NAV2: variants seen among roughly 807,000 people sequenced by gnomAD.
NAV2 encodes the protein helicase, APC down-regulated 1.
A neutral mutation model predicts 223.2 loss-of-function variants in NAV2; 54 were observed. That is an observed-to-expected ratio of 0.24 (90% CI 0.19 to 0.30). NAV2 has a LOEUF of 0.30. Among genes scored for constraint, NAV2 ranks in the 10% least tolerant of loss-of-function variants. NAV2 has a pLI of 1.00. For missense variants in NAV2, 2,806 were observed against 3,147.5 expected (o/e 0.89, Z 2.60); for synonymous variants, 1,279 against 1,239.3 (o/e 1.03, Z -0.67).
At chr11:19,656,556 G>C (rs1179795439) in intron 1 of NAV2, among the ~76,000 whole-genome samples, 2 of 152,226 alleles carry the variant, frequency 1.3e-5, no homozygotes, top group Non-Finnish European at 2.9e-5. Context: ...TTCACTCCAT[G>C]TTTGAAGGGA....
chr11:20,032,096 A>G (rs1194856579), intron 11 of NAV2, among the ~76,000 whole-genome samples: 2 of 152,256 alleles, frequency 1.3e-5, no homozygotes, highest in African/African-American at 4.8e-5. Context: ...AGTATCCCAG[A>G]GACCCAGAAG....
At chr11:19,349,482 G>A (rs566760296), upstream of NAV2, among the ~76,000 whole-genome samples, 1 of 152,318 alleles carries the variant, frequency 6.6e-6, no homozygotes, top group East Asian at 1.9e-4. Context: ...CAGCTGCAAG[G>A]GAGGGTCTGT....
At chr11:19,628,129 C>G (rs2047225194) in intron 1 of NAV2, among the ~76,000 whole-genome samples, 1 of 152,170 alleles carries the variant, frequency 6.6e-6, no homozygotes, top group South Asian at 2.1e-4. Context: ...CCCTCCCACT[C>G]TGGCCCCAGG....
chr11:19,874,453 A>G (rs532304261), intron 4 of NAV2, among the ~76,000 whole-genome samples: 2 of 152,312 alleles, frequency 1.3e-5, no homozygotes, highest in Non-Finnish European at 2.9e-5. Context: ...CTAGAACTCC[A>G]GAAAGTGAGG....
At chr11:19,556,290 G>A (rs762861346) in intron 1 of NAV2, among the ~76,000 whole-genome samples, 11 of 152,308 alleles carry the variant, frequency 7.2e-5, no homozygotes, top group South Asian at 4.1e-4. Flanking sequence ...CAACAAAGTG[G>A]AATATCATGC....
At chr11:19,389,831 A>G (rs1214016562) in intron 1 of NAV2, among the ~76,000 whole-genome samples, 3 of 152,180 alleles carry the variant, frequency 2.0e-5, no homozygotes, top group Non-Finnish European at 4.4e-5. Context: ...CGCCCAGCCC[A>G]CATTGCTAAG....
rs942158475 is a variant in NAV2 at position 19,933,584 on chromosome 11, G to A, written c.1340G>A (p.Arg447His). Residue 447 changes from arginine to histidine, a missense_variant, in exon 7 of 38, where the codon CGC becomes CAC. This residue lies in a region of NAV2 where 1,167 missense variants were observed against 1,180.5 expected (regional missense o/e 0.99). Transcript: ENST00000349880. The surrounding 1 kb of genome is among the most constrained non-coding windows in gnomAD (Gnocchi z 4.3). ...AGCGAGGAGCTGGAGGCCGCCAGTCGCATGCTCACCACCGTGGGCCCTGCT... is the reference window on the plus strand; with the variant it reads ...AGCGAGGAGCTGGAGGCCGCCAGTCACATGCTCACCACCGTGGGCCCTGCT... ...EESEELEAAS[R>H]MLTTVGPASS... 21 of 1,611,716 alleles carry A rather than the reference G, an allele frequency of 1.3e-5. No homozygotes were observed. Among genetic ancestry groups the A allele is most frequent in the Middle Eastern group, 3.3e-4 (2 of 6,064 alleles).
chr11:19,951,109 T>C (rs1344100325), intron 10 of NAV2, among the ~76,000 whole-genome samples: 1 of 152,206 alleles, frequency 6.6e-6, no homozygotes, highest in Non-Finnish European at 1.5e-5. Flanking sequence ...TTTGGAGGTT[T>C]TATGACTGGC....
chr11:20,025,166 GT>G (rs1409488181), intron 11 of NAV2, among the ~76,000 whole-genome samples: 2 of 152,160 alleles, frequency 1.3e-5, no homozygotes, highest in East Asian at 3.9e-4. Context: ...CTAAGCTTCA[GT>G]TTCCACATCT....
chr11:19,623,451 G>A lies in NAV2; in HGVS notation c.76-209033G>A, dbSNP rs186366690. 1.4e-3 allele frequency among the ~76,000 whole-genome samples: 216 copies of A among 152,218 alleles called. 1 individual carries two copies. The highest frequency in any genetic ancestry group is 5.1e-3 in the African/African-American group (211 of 41,532). ...TCACATAGTCCCATATTTCTTGGAG[G>A]CTTTGTTCCCTTCTTTTTACTCTTT... On this transcript the variant is annotated intron_variant, in intron 1 of 37. Coordinates refer to the NAV2 transcript ENST00000360655.
At chr11:19,620,479 C>T (rs1255408756) in intron 1 of NAV2, among the ~76,000 whole-genome samples, 3 of 151,968 alleles carry the variant, frequency 2.0e-5, no homozygotes, top group South Asian at 2.1e-4. Flanking sequence ...CCTTCACATC[C>T]CTTGTAAGTT....
chr11:19,919,289 A>G (rs374278414), intron 6 of NAV2, among the ~76,000 whole-genome samples: 27 of 150,918 alleles, frequency 1.8e-4, no homozygotes, highest in African/African-American at 6.6e-4. Context: ...TCCGTGTTCT[A>G]TCTCGTAGCC....
intron 5 of NAV2, among the ~76,000 whole-genome samples, chr11:19,892,019 C>T (rs1232747922): frequency 1.3e-5 from 2 of 152,064 alleles, no homozygotes; most frequent in Admixed American, 6.6e-5. Context: ...AGTGCAATGG[C>T]GTGATCTTAG....
intron 1 of NAV2, among the ~76,000 whole-genome samples, chr11:19,494,654 T>C (rs1002829187): frequency 1.3e-5 from 2 of 152,212 alleles, no homozygotes; most frequent in African/African-American, 4.8e-5. Context: ...TTATTAATTA[T>C]AAGGATACAA....
intron 1 of NAV2, among the ~76,000 whole-genome samples, chr11:19,513,823 G>C (rs894665440): frequency 6.6e-6 from 1 of 152,156 alleles, no homozygotes; most frequent in African/African-American, 2.4e-5. Context: ...ACATGGGATG[G>C]GCAACTCTGT....
intron 3 of NAV2, among the ~76,000 whole-genome samples, chr11:19,844,825 T>G (rs1342783633): frequency 6.7e-6 from 1 of 149,886 alleles, no homozygotes. Flanking sequence ...ACTGTGTGTT[T>G]TTTTTTTTTT....
intron 10 of NAV2, among the ~76,000 whole-genome samples, chr11:19,961,697 C>T (rs1457421428): frequency 6.6e-6 from 1 of 152,192 alleles, no homozygotes; most frequent in East Asian, 1.9e-4. Flanking sequence ...TGGCGCACCT[C>T]TCAGGTGTGT....
At chr11:20,022,242 G>A (rs145629820) in intron 11 of NAV2, among the ~76,000 whole-genome samples, 1 of 152,172 alleles carries the variant, frequency 6.6e-6, no homozygotes, top group Non-Finnish European at 1.5e-5. Context: ...CATAGCATCT[G>A]TTTACATAGT....
intron 1 of NAV2, among the ~76,000 whole-genome samples, chr11:19,660,790 C>T (rs1322785897): frequency 2.0e-5 from 3 of 151,974 alleles, no homozygotes; most frequent in East Asian, 3.9e-4. Context: ...CTGAGTGTAG[C>T]ATGCCCCCAG....
Sources: gnomAD v4.1 joint callset for allele counts (sites outside exome capture counted in the v4.1 genomes callset) on GRCh38, gnomAD v4.1.1 for gene constraint, gnomAD v4.1.1 regional missense constraint, Gnocchi (gnomAD v3.1) non-coding constraint, MANE v1.5 for transcripts, NCBI Gene and HGNC (gene_info 2026-07-23, HGNC 2026-07-21) for gene names.